EXOC4: variants seen among roughly 807,000 people sequenced by gnomAD.
EXOC4 encodes the protein exocyst complex component 4, also known as SEC8-like 1.
Under a neutral mutation model 107.2 loss-of-function variants are expected in EXOC4, and 71 were observed. The observed-to-expected ratio is 0.66, with a 90% CI of 0.55 to 0.81. EXOC4 has a LOEUF of 0.81. EXOC4 is among the 30% of genes least tolerant of loss of function. The pLI is 0.00. For synonymous variants in EXOC4, 456 were observed against 441.2 expected (o/e 1.03, Z -0.42); for missense variants, 1,108 against 1,189.6 (o/e 0.93, Z 1.01).
At chr7:134,052,095 C>T (rs1249462211) in intron 17 of EXOC4, among the ~76,000 whole-genome samples, 3 of 152,174 alleles carry the variant, frequency 2.0e-5, no homozygotes, top group Admixed American at 1.3e-4. Context: ...TCCATGAAGA[C>T]GTCATTGACG....
the EXOC4 span, among the ~76,000 whole-genome samples, chr7:134,072,703 T>C: frequency 1.3e-5 from 2 of 152,218 alleles, no homozygotes; most frequent in Non-Finnish European, 2.9e-5. Flanking sequence ...ATGCCCTCTG[T>C]TGCCTCATCT....
rs192629490 is a variant in EXOC4 at position 133,806,814 on chromosome 7, G to A, written c.1515-10511G>A. Among the ~76,000 whole-genome samples the A allele has an allele frequency of 1.3e-4, 20 of 152,210 alleles. No homozygotes were observed. The East Asian group carries it at 1.4e-3, about 10-fold the overall frequency. ...AGTAACTTTGCCTTTCTGTGCCTTCGTGTCTGCTTCCAAATGGCAATTATA... is the reference window on the plus strand; with the variant it reads ...AGTAACTTTGCCTTTCTGTGCCTTCATGTCTGCTTCCAAATGGCAATTATA... On this transcript the variant is annotated intron_variant, in intron 10 of 17. Transcript: ENST00000253861.
intron 5 of EXOC4, among the ~76,000 whole-genome samples, chr7:133,342,368 A>G (rs764046506): frequency 3.3e-5 from 5 of 152,196 alleles, no homozygotes; most frequent in Non-Finnish European, 5.9e-5. Flanking sequence ...TAGTACCTCA[A>G]TCCCTTCCAG....
intron 10 of EXOC4, among the ~76,000 whole-genome samples, chr7:133,681,413 T>C (rs1265132087): frequency 6.6e-6 from 1 of 152,068 alleles, no homozygotes; most frequent in African/African-American, 2.4e-5. Context: ...TCTCTCTGTA[T>C]CTATAGTGAG....
chr7:133,484,277 G>C (rs950670268), intron 9 of EXOC4: 2 of 1,134,308 alleles, frequency 1.8e-6, no homozygotes, highest in African/African-American at 3.1e-5. Flanking sequence ...ATAGTCTGCT[G>C]TTGGCAGTTG....
At chr7:134,094,226 A>G in the EXOC4 span, among the ~76,000 whole-genome samples, 2 of 152,148 alleles carry the variant, frequency 1.3e-5, no homozygotes, top group Non-Finnish European at 2.9e-5. Context: ...AATGACAAAG[A>G]TGACATTATA....
intron 1 of EXOC4, among the ~76,000 whole-genome samples, chr7:133,271,687 C>A (rs141584894): frequency 6.6e-6 from 1 of 152,144 alleles, no homozygotes; most frequent in African/African-American, 2.4e-5. Flanking sequence ...TCTGCCTAAC[C>A]CTTGTGGGAC....
intron 7 of EXOC4, among the ~76,000 whole-genome samples, chr7:133,470,003 G>A (rs575452899): frequency 6.6e-6 from 1 of 152,284 alleles, no homozygotes; most frequent in South Asian, 2.1e-4. Flanking sequence ...TTTTGGCTGT[G>A]GCTGAGAGGG....
rs772040078 is a variant in EXOC4 at position 133,937,955 on chromosome 7, C to G, written c.2092C>G (p.Gln698Glu). 1 of 1,614,164 alleles carries G rather than the reference C, an allele frequency of 6.2e-7. No homozygotes were observed. Among genetic ancestry groups the G allele is most frequent in the Non-Finnish European group, 8.5e-7 (1 of 1,180,006 alleles). ...CCTGGGTGATAAATTAATCCCTCCA[C>G]AAGACATCCTTCGTGACGTCAGTGA... ...GNLGDKLIPP[Q>E]DILRDVSDLK... Residue 698 changes from glutamine (Q) to glutamate (E), a missense_variant, in exon 14 of 18, where the codon CAA becomes GAA. Coordinates refer to ENST00000253861, the MANE Select transcript of EXOC4 (RefSeq NM_021807.4).
rs147947750 is a variant in EXOC4 at position 133,907,995 on chromosome 7, A to G, written c.1872-9588A>G. Among the ~76,000 whole-genome samples, 239 of 152,168 alleles carry G rather than the reference A, an allele frequency of 1.6e-3. 2 individuals carry two copies. Among genetic ancestry groups the G allele is most frequent in the African/African-American group, 5.5e-3 (230 of 41,512 alleles). On this transcript the variant is annotated intron_variant, in intron 12 of 17. Coordinates refer to ENST00000253861, the MANE Select transcript of EXOC4 (RefSeq NM_021807.4). ...ATAGGCCTTGCACTCTTGTTTTTTG[A>G]TCAAGTGAATCCCTTCACTCATCCT...
intron 10 of EXOC4, among the ~76,000 whole-genome samples, chr7:133,779,883 A>AGC (rs71162027): frequency 1.3e-5 from 2 of 152,172 alleles, no homozygotes; most frequent in East Asian, 1.9e-4. Context: ...CAGCAGCAGC[A>AGC]ACATTTATTG....
chr7:133,674,112 G>T (rs763449084), intron 10 of EXOC4, among the ~76,000 whole-genome samples: 4 of 152,180 alleles, frequency 2.6e-5, no homozygotes, highest in Non-Finnish European at 5.9e-5. Context: ...GCTGGAGCTT[G>T]CCTTGAATGA....
At chr7:133,444,041 T>C (rs998566641) in intron 7 of EXOC4, among the ~76,000 whole-genome samples, 29 of 152,186 alleles carry the variant, frequency 1.9e-4, no homozygotes, top group African/African-American at 6.5e-4. Context: ...TGTACTGATA[T>C]CCTGGCCCAA....
intron 9 of EXOC4, among the ~76,000 whole-genome samples, chr7:133,488,814 A>T (rs1799317693): frequency 6.6e-6 from 1 of 151,906 alleles, no homozygotes; most frequent in South Asian, 2.1e-4. Flanking sequence ...ATGAAAATGA[A>T]TGAACTATGC....
chr7:133,977,388 C>CA (rs371418680), intron 14 of EXOC4, among the ~76,000 whole-genome samples: 12 of 150,350 alleles, frequency 8.0e-5, no homozygotes, highest in Non-Finnish European at 1.2e-4. Context: ...TCACTAAATC[C>CA]AAAAAAAAAG....
intron 10 of EXOC4, among the ~76,000 whole-genome samples, chr7:133,692,464 A>T (rs918923539): frequency 2.6e-5 from 4 of 152,152 alleles, no homozygotes; most frequent in Admixed American, 2.0e-4. Flanking sequence ...CTGCCCTGGG[A>T]CACTCACAGG....
At chr7:134,059,797 G>T (rs1235982714) in intron 17 of EXOC4, among the ~76,000 whole-genome samples, 2 of 152,106 alleles carry the variant, frequency 1.3e-5, no homozygotes, top group African/African-American at 4.8e-5. Flanking sequence ...CCAAACTGTG[G>T]TTTATCTTTA....
At chr7:133,970,800 C>A (rs1386188120) in intron 14 of EXOC4, among the ~76,000 whole-genome samples, 2 of 152,096 alleles carry the variant, frequency 1.3e-5, no homozygotes, top group African/African-American at 4.8e-5. Context: ...AGCCATCTTG[C>A]CAGCCACCCT....
intron 1 of EXOC4, 80 bp downstream of exon 1, chr7:133,253,267 G>A: frequency 1.3e-6 from 2 of 1,527,898 alleles, no homozygotes; most frequent in South Asian, 2.4e-5. Context: ...GGGTTAGCTG[G>A]GTCCCACCCT....
Sources: gnomAD v4.1 joint callset for allele counts (sites outside exome capture counted in the v4.1 genomes callset) on GRCh38, gnomAD v4.1.1 for gene constraint, MANE v1.5 for transcripts, NCBI Gene and HGNC (gene_info 2026-07-23, HGNC 2026-07-21) for gene names.